The following ADD1 variants were observed in gnomAD, a reference collection of about 807,000 sequenced individuals.
ADD1 encodes the protein adducin 1.
ADD1 carries 24 observed loss-of-function variants against 80.5 expected under a neutral mutation model. That is an observed-to-expected ratio of 0.30 (90% CI 0.22 to 0.42). The LOEUF (loss-of-function observed/expected upper bound fraction) is 0.42. Ranked by LOEUF, ADD1 falls within the 10% of genes least tolerant of loss-of-function variation. ADD1 has a pLI of 1.00. For missense variants in ADD1, 948 were observed against 1,019.0 expected (o/e 0.93, Z 0.95); for synonymous variants, 373 against 393.8 (o/e 0.95, Z 0.63).
chr4:2,846,386 C>G (rs1726200191), intron 1 of ADD1, among the ~76,000 whole-genome samples: 1 of 152,160 alleles, frequency 6.6e-6, no homozygotes, highest in Non-Finnish European at 1.5e-5. Context: ...TTCAGCTTTA[C>G]TTTTGTCAAG....
At chr4:2,914,482 A>C (rs540450116) in intron 13 of ADD1, among the ~76,000 whole-genome samples, 15 of 152,272 alleles carry the variant, frequency 9.9e-5, no homozygotes, top group Middle Eastern at 6.8e-3. Context: ...TGAGTGCTGT[A>C]CCTCGTGACA....
At chr4:2,898,612 C>G (rs752403651) in intron 8 of ADD1, 81 bp downstream of exon 8, 45 of 1,218,094 alleles carry the variant, frequency 3.7e-5, no homozygotes, top group Non-Finnish European at 5.1e-5. Context: ...TGATACTTAT[C>G]GAGTAGGAGA....
At chr4:2,898,990 C>T (rs923367702) in intron 8 of ADD1, 4 of 446,240 alleles carry the variant, frequency 9.0e-6, no homozygotes, top group South Asian at 5.4e-5. Flanking sequence ...ATGTCTGTGG[C>T]GTAGTGAAGT....
chr4:2,928,294 A>G lies in ADD1; in HGVS notation c.2171A>G (p.Glu724Gly). ...GGCTTCCCAATGTTAGAGAAGGAGGAGGAAGCCCATAGACCCCCAAGCCCC... is the reference window on the plus strand; with the variant it reads ...GGCTTCCCAATGTTAGAGAAGGAGGGGGAAGCCCATAGACCCCCAAGCCCC... ...ALGFPMLEKE[E>G]EAHRPPSPTE... Residue 724 changes from glutamate (E) to glycine (G), a missense_variant, in exon 16 of 16, where the codon GAG (glutamate) becomes GGG (glycine). Glu to Gly is a moderately conservative substitution (Grantham distance 98). Transcript: ENST00000683351. 1 of 1,613,992 alleles carries G rather than the reference A, an allele frequency of 6.2e-7. No homozygotes were observed. Among genetic ancestry groups the G allele is most frequent in the South Asian group, 1.1e-5 (1 of 91,072 alleles).
intron 3 of ADD1, among the ~76,000 whole-genome samples, chr4:2,883,015 C>A (rs1468048325): frequency 6.6e-6 from 1 of 152,190 alleles, no homozygotes; most frequent in African/African-American, 2.4e-5. Context: ...GCACACACCA[C>A]CACACCTGGC....
chr4:2,891,453 G>GA (rs892391704), intron 4 of ADD1, among the ~76,000 whole-genome samples: 39 of 144,938 alleles, frequency 2.7e-4, no homozygotes, highest in East Asian at 9.9e-4. Context: ...CTCAAAAAAA[G>GA]AAAAAAAAAA....
intron 13 of ADD1, among the ~76,000 whole-genome samples, chr4:2,912,301 T>C (rs1330829143): frequency 6.6e-6 from 1 of 152,196 alleles, no homozygotes; most frequent in East Asian, 1.9e-4. Flanking sequence ...CATTGCTCTG[T>C]GTCCTTTCTT....
chr4:2,886,257 C>T (rs990504060), intron 4 of ADD1, among the ~76,000 whole-genome samples: 27 of 152,160 alleles, frequency 1.8e-4, no homozygotes, highest in Admixed American at 4.6e-4. Context: ...TCATAACCAG[C>T]GGTGCTTCGT....
intron 1 of ADD1, among the ~76,000 whole-genome samples, chr4:2,850,012 G>T (rs1726823563): frequency 1.3e-5 from 2 of 152,222 alleles, no homozygotes; most frequent in Non-Finnish European, 2.9e-5. Context: ...GCTTGTGTGT[G>T]AATGTTCAGA....
intron 4 of ADD1, among the ~76,000 whole-genome samples, chr4:2,892,326 T>C (rs1317254735): frequency 6.6e-6 from 1 of 152,252 alleles, no homozygotes; most frequent in Admixed American, 6.5e-5. Context: ...GGAAGCCTTT[T>C]GAGCCTATAC....
rs34312305 is a variant in ADD1, at chr4:2,863,219, ATTT to A, written c.-20-12659_-20-12657del. Reference sequence around the variant, plus strand: ...TGCCACCACGCCCAGCTAATTTTTAATTTTTTTTTTTTTTTTTTTTGGTAGAGC... The same window carrying A: ...TGCCACCACGCCCAGCTAATTTTTAATTTTTTTTTTTTTTTTTGGTAGAGC... On this transcript the variant is annotated intron_variant, in intron 1 of 15. Transcript: ENST00000683351. Among the ~76,000 whole-genome samples the A allele has an allele frequency of 5.8e-3, 716 of 123,746 alleles. 4 individuals are homozygous for A. The highest frequency in any genetic ancestry group is 9.6e-3 in the Admixed American group (113 of 11,780). 81.2% of individuals were successfully genotyped at this position (123,746 alleles called of 152,430 possible). A position where few individuals can be genotyped will look rare whatever the true frequency, so the allele number is the denominator to read the frequency against.
intron 11 of ADD1, 144 bp downstream of exon 11, chr4:2,907,988 C>T (rs544620923): frequency 6.6e-5 from 44 of 670,670 alleles, no homozygotes; most frequent in African/African-American, 2.5e-4. Context: ...CTCTTCACAC[C>T]GCTGCTGTTC....
chr4:2,912,273 G>A (rs1029318735), intron 13 of ADD1, among the ~76,000 whole-genome samples: 1 of 152,244 alleles, frequency 6.6e-6, no homozygotes, highest in Admixed American at 6.5e-5. Flanking sequence ...AGTGGCGTAT[G>A]TTTCTCTGCA....
Position 2,904,653 on chromosome 4 carries a change from T to C in ADD1, c.1162-111T>C, listed in dbSNP as rs140908749. 6.6e-4 allele frequency: 624 copies of C among 940,134 alleles called. 4 individuals carry two copies. In the African/African-American group the frequency reaches 9.3e-3, roughly 14 times the overall value. 58.2% of individuals were successfully genotyped at this position (940,134 alleles called of 1,614,324 possible). The stretch of plus-strand genomic sequence containing the variant: ...AATTAGGAGTGGAATTACTGAGTCA[T>C]AGGGTATGCATGTGTTCAACTTTTG... On this transcript the variant is annotated intron_variant, in intron 9 of 15. Coordinates refer to ENST00000683351, the MANE Select transcript of ADD1 (RefSeq NM_001354761.2).
chr4:2,911,610 C>T (rs1365704885), intron 13 of ADD1, among the ~76,000 whole-genome samples: 1 of 151,822 alleles, frequency 6.6e-6, no homozygotes, highest in Non-Finnish European at 1.5e-5. Context: ...CACATCACCA[C>T]ACCTGGCTAA....
intron 1 of ADD1, among the ~76,000 whole-genome samples, chr4:2,863,056 T>G (rs1426452149): frequency 1.3e-5 from 2 of 152,068 alleles, no homozygotes; most frequent in African/African-American, 4.8e-5. Context: ...GTCATGCCTA[T>G]TGAATTTTTT....
chr4:2,914,618 T>G, intron 13 of ADD1: 1 of 361,288 alleles, frequency 2.8e-6, no homozygotes, highest in Non-Finnish European at 5.0e-6. Flanking sequence ...TGGGTCTGCA[T>G]TGGGCTTTTG....
intron 1 of ADD1, among the ~76,000 whole-genome samples, chr4:2,862,486 C>G (rs1728952471): frequency 6.6e-6 from 1 of 152,190 alleles, no homozygotes; most frequent in African/African-American, 2.4e-5. Flanking sequence ...CAGCCTTATT[C>G]CCCTCTCCCA....
intron 8 of ADD1, 76 bp from the exon 9 acceptor site, chr4:2,899,183 A>C: frequency 6.9e-7 from 1 of 1,445,276 alleles, no homozygotes; most frequent in Non-Finnish European, 9.4e-7. Context: ...TTTGAAACCT[A>C]CATTTTTATT....
Sources: allele counts gnomAD v4.1 joint callset (sites outside exome capture counted in the v4.1 genomes callset), GRCh38; gene constraint gnomAD v4.1.1; transcripts MANE v1.5; gene names NCBI Gene and HGNC (gene_info 2026-07-23, HGNC 2026-07-21).